PTPN14: variants seen among roughly 807,000 people sequenced by gnomAD.
The protein encoded by PTPN14 is protein tyrosine phosphatase non-receptor type 14.
In PTPN14, 53 loss-of-function variants were observed where a neutral mutation model predicts 126.8. The observed-to-expected ratio is 0.42, with a 90% CI of 0.34 to 0.53. The LOEUF is 0.53. Among genes scored for constraint, PTPN14 ranks in the 20% least tolerant of loss-of-function variants. The probability of loss-of-function intolerance (pLI) is 0.08; values close to 1 mark genes in which losing one functional copy is unlikely to be tolerated. For synonymous variants in PTPN14, 630 were observed against 599.3 expected, an observed-to-expected ratio of 1.05 and a Z score of -0.75; for missense variants, 1,257 against 1,552.9, an observed-to-expected ratio of 0.81 and a Z score of 3.20.
chr1:214,549,369 A>G (rs1571665128), intron 1 of PTPN14, among the ~76,000 whole-genome samples: 1 of 152,334 alleles, frequency 6.6e-6, no homozygotes, highest in East Asian at 1.9e-4. Flanking sequence ...ATAAAGTTTC[A>G]GAGAAAAGAA....
In PTPN14 at chr1:214,468,583, C is replaced by A. The variant is rs568039561; in HGVS notation, c.-154-3626G>T. Among the ~76,000 whole-genome samples, 23 of 148,774 alleles carry A rather than the reference C, an allele frequency of 1.5e-4. No individual in the cohort carries two copies. The South Asian group carries it at 4.5e-3, about 29-fold the overall frequency. On this transcript the variant is annotated intron_variant, in intron 1 of 18. Coordinates refer to ENST00000366956, the MANE Select transcript of PTPN14 (RefSeq NM_005401.5). Reference sequence around the variant, plus strand: ...CAAAAAAAAGAAAAGAAAAGAAAAACCAACACATACACCATACACACATAA... The same window carrying A: ...CAAAAAAAAGAAAAGAAAAGAAAAAACAACACATACACCATACACACATAA...
At chr1:214,488,180 G>A (rs535738700) in intron 1 of PTPN14, among the ~76,000 whole-genome samples, 11 of 152,310 alleles carry the variant, frequency 7.2e-5, no homozygotes, top group Non-Finnish European at 1.6e-4. Flanking sequence ...ACTGAGCACA[G>A]ATAATCTTCT....
At chr1:214,421,904 A>G (rs963584561) in intron 3 of PTPN14, among the ~76,000 whole-genome samples, 12 of 152,006 alleles carry the variant, frequency 7.9e-5, no homozygotes, top group African/African-American at 2.9e-4. Flanking sequence ...AACCCTCTCA[A>G]CAAGTTAGTG....
chr1:214,378,627 C>T (rs186179383), intron 13 of PTPN14, among the ~76,000 whole-genome samples: 240 of 152,280 alleles, frequency 1.6e-3, no homozygotes, highest in Non-Finnish European at 2.7e-3. Context: ...ATGCTGAGGA[C>T]GTTAATTCTA....
chr1:214,368,755 G>T (rs879800138), intron 17 of PTPN14, among the ~76,000 whole-genome samples: 1 of 152,124 alleles, frequency 6.6e-6, no homozygotes, highest in Non-Finnish European at 1.5e-5. Context: ...GGCTGATGCG[G>T]GCAGATCACT....
chr1:214,474,316 C>T (rs1449688406), intron 1 of PTPN14, among the ~76,000 whole-genome samples: 2 of 152,170 alleles, frequency 1.3e-5, no homozygotes, highest in African/African-American at 4.8e-5. Flanking sequence ...CAACATCATA[C>T]ACTTTGCTCA....
In PTPN14 at chr1:214,411,182, A is replaced by ATT. The variant is rs369235597; in HGVS notation, c.510+500_510+501dup. On this transcript the variant is annotated intron_variant, in intron 5 of 18. Coordinates refer to ENST00000366956, the MANE Select transcript of PTPN14 (RefSeq NM_005401.5). The stretch of plus-strand genomic sequence containing the variant: ...TCCTCAGTTAAATTTACTCCTAGGT[A>ATT]TTTTTTTTTAATGCTATTGTAAATG... 1.0e-2 allele frequency among the ~76,000 whole-genome samples: 1,505 copies of ATT among 150,924 alleles called. 26 individuals are homozygous for ATT. The highest frequency in any genetic ancestry group is 0.035 in the African/African-American group (1,427 of 41,210).
Position 214,383,679 on chromosome 1 carries a change from TGGG to T in PTPN14, c.2173_2175del (p.Pro725del). ...CTGTACTCCATCTTCTCCCGGAGCATGGGGATCTGGGGCACCGATTCTGGAGCC... is the reference window on the plus strand; with the variant it reads ...CTGTACTCCATCTTCTCCCGGAGCATGATCTGGGGCACCGATTCTGGAGCC... On this transcript the variant is annotated inframe_deletion, in exon 13 of 19. Transcript: ENST00000366956. This position sits in a 1 kb window ranked among gnomAD's most constrained non-coding sequence, Gnocchi z 4.4. 1 of 1,613,408 alleles carries T rather than the reference TGGG, an allele frequency of 6.2e-7. No homozygotes were observed. The highest frequency in any genetic ancestry group is 1.1e-5 in the South Asian group (1 of 91,078).
chr1:214,392,169 T>C (rs937382020), intron 10 of PTPN14, among the ~76,000 whole-genome samples: 4 of 151,742 alleles, frequency 2.6e-5, no homozygotes, highest in Non-Finnish European at 5.9e-5. Flanking sequence ...GAACTGCATA[T>C]GGAATTTAAT....
chr1:214,498,806 G>A (rs546290660), intron 1 of PTPN14, among the ~76,000 whole-genome samples: 1 of 151,394 alleles, frequency 6.6e-6, no homozygotes, highest in African/African-American at 2.4e-5. Context: ...TTTTTCCTGC[G>A]AGATCCTTGT....
chr1:214,357,809 C>A lies in PTPN14; in HGVS notation c.*113G>T. On this transcript the variant is annotated 3_prime_UTR_variant, in exon 19 of 19. Coordinates refer to ENST00000366956, the MANE Select transcript of PTPN14 (RefSeq NM_005401.5). Reference sequence around the variant, plus strand: ...ATCTTGGCTACTGTCTTCAGAGAGCCTGTTTGCTGCCAGCCACCTGCACCC... The same window carrying A: ...ATCTTGGCTACTGTCTTCAGAGAGCATGTTTGCTGCCAGCCACCTGCACCC... 1 of 799,606 alleles carries A rather than the reference C, an allele frequency of 1.3e-6. No individual in the cohort carries two copies. Among genetic ancestry groups the A allele is most frequent in the Non-Finnish European group, 2.0e-6 (1 of 497,002 alleles). The allele number at this position is 799,606 out of a possible 1,614,324, so 49.5% of individuals were successfully genotyped here.
chr1:214,440,720 T>A (rs562862427), intron 3 of PTPN14, among the ~76,000 whole-genome samples: 25 of 152,212 alleles, frequency 1.6e-4, no homozygotes, highest in Non-Finnish European at 3.1e-4. Context: ...TGAGATGCAC[T>A]TCAAGTTATA....
At chr1:214,534,187 T>C (rs1284574337) in intron 1 of PTPN14, among the ~76,000 whole-genome samples, 2 of 152,218 alleles carry the variant, frequency 1.3e-5, no homozygotes, top group Non-Finnish European at 2.9e-5. Flanking sequence ...TATAAGCTGA[T>C]AGTTTTTCCA....
intron 1 of PTPN14, among the ~76,000 whole-genome samples, chr1:214,506,522 A>AAAATAAAT (rs374058238): frequency 0.038 from 5,763 of 150,772 alleles, 166 homozygotes; most frequent in Middle Eastern, 0.12. Context: ...CTAAAAGAAG[A>AAAATAAAT]AAATAAATAA....
At chr1:214,413,542 T>C (rs1659356394) in intron 4 of PTPN14, among the ~76,000 whole-genome samples, 1 of 152,226 alleles carries the variant, frequency 6.6e-6, no homozygotes, top group South Asian at 2.1e-4. Context: ...CAACAGTCCA[T>C]GCAGGAAGAA....
intron 2 of PTPN14, among the ~76,000 whole-genome samples, chr1:214,458,255 C>T (rs943889432): frequency 1.8e-4 from 27 of 152,052 alleles, no homozygotes; most frequent in Admixed American, 1.6e-3. Flanking sequence ...TCACTATGTT[C>T]TCAGGCTGGT....
intron 16 of PTPN14, 32 bp downstream of exon 16, chr1:214,372,678 GA>G: frequency 6.2e-7 from 1 of 1,613,440 alleles, no homozygotes. Flanking sequence ...TTCCCCTGGG[GA>G]AAAAGGATGT....
chr1:214,432,764 T>C (rs1372104130), intron 3 of PTPN14, among the ~76,000 whole-genome samples: 1 of 152,170 alleles, frequency 6.6e-6, no homozygotes, highest in Non-Finnish European at 1.5e-5. Flanking sequence ...AAAACTAATA[T>C]ATGATATTAG....
chr1:214,517,313 T>C (rs1207348728), intron 1 of PTPN14, among the ~76,000 whole-genome samples: 2 of 152,060 alleles, frequency 1.3e-5, no homozygotes, highest in Non-Finnish European at 2.9e-5. Context: ...CTGAAATAAT[T>C]ACTGCATCAA....
Sources: allele counts gnomAD v4.1 joint callset (sites outside exome capture counted in the v4.1 genomes callset), GRCh38; gene constraint gnomAD v4.1.1; non-coding constraint Gnocchi (gnomAD v3.1); transcripts MANE v1.5; gene names NCBI Gene and HGNC (gene_info 2026-07-23, HGNC 2026-07-21).